HMGXB3: variants seen among roughly 807,000 people sequenced by gnomAD.
HMGXB3 encodes the protein HMG-box containing 3.
HMGXB3 carries 45 observed loss-of-function variants against 121.5 expected under a neutral mutation model. That is an observed-to-expected ratio of 0.37 (90% CI 0.29 to 0.47). HMGXB3 has a LOEUF of 0.47. Among genes scored for constraint, HMGXB3 ranks in the 20% least tolerant of loss-of-function variants. The probability of loss-of-function intolerance (pLI) is 0.99; values close to 1 mark genes in which losing one functional copy is unlikely to be tolerated. For synonymous variants in HMGXB3, 590 were observed against 624.1 expected, an observed-to-expected ratio of 0.95 and a Z score of 0.81; for missense variants, 1,376 against 1,602.2, an observed-to-expected ratio of 0.86 and a Z score of 2.41.
At chr5:150,044,511 T>C (rs1478428476) in intron 15 of HMGXB3, among the ~76,000 whole-genome samples, 1 of 152,154 alleles carries the variant, frequency 6.6e-6, no homozygotes, top group Non-Finnish European at 1.5e-5. Context: ...AAGAACTACA[T>C]AGGGCAGTGG....
chr5:150,006,803 A>G (rs184450098), intron 3 of HMGXB3, among the ~76,000 whole-genome samples, 156 bp downstream of exon 3: 9 of 152,184 alleles, frequency 5.9e-5, no homozygotes, highest in Admixed American at 2.0e-4. Context: ...CCATTTTGAT[A>G]ATGCCCTGCA....
At position 150,010,558 on chromosome 5, in the gene HMGXB3, G is replaced by A; in HGVS notation, c.760G>A (p.Val254Met). ...AGACCTCCCCACTGGAAGCCTGGCT[G>A]TGCCCCACCCCCAGGTTGGGGAGAG... ...SPDLPTGSLA[V>M]PHPQVGESVS... Residue 254 changes from valine to methionine, a missense_variant, in exon 4 of 20, where the codon GTG becomes ATG. Coordinates refer to ENST00000502717, the MANE Select transcript of HMGXB3 (RefSeq NM_014983.3). 1.3e-6 allele frequency: 2 copies of A among 1,551,454 alleles called. No individual in the cohort carries two copies. The highest frequency in any genetic ancestry group is 1.7e-6 in the Non-Finnish European group (2 of 1,146,992).
chr5:150,004,858 C>G lies in HMGXB3; in HGVS notation c.6C>G (p.Asp2Glu). The G allele has an allele frequency of 6.5e-7, 1 of 1,546,286 alleles. No homozygotes were observed. The highest frequency in any genetic ancestry group is 8.7e-7 in the Non-Finnish European group (1 of 1,144,504). Residue 2 changes from aspartate to glutamate, a missense_variant, in exon 2 of 20, where the codon GAC becomes GAG. Transcript: ENST00000502717. M[D>E]ASYDGTEVTV... is the part of the protein sequence containing the mutation. ...GACTTTCCTTTCCTTTAGCCATGGA[C>G]GCATCATATGATGGTACTGAGGTAA...
At chr5:150,006,357 G>A (rs1422688859) in intron 2 of HMGXB3, 116 bp from the exon 3 acceptor site, 2 of 776,566 alleles carry the variant, frequency 2.6e-6, no homozygotes, top group Non-Finnish European at 4.0e-6. Flanking sequence ...TCTTAGCATA[G>A]TAGTACTTAC....
intron 6 of HMGXB3, among the ~76,000 whole-genome samples, chr5:150,022,110 C>T (rs1581253414): frequency 6.6e-6 from 1 of 152,134 alleles, no homozygotes; most frequent in East Asian, 1.9e-4. Context: ...GGCTCATCAG[C>T]TATTGTTAGT....
At chr5:150,047,925 G>A (rs1231057862) in intron 17 of HMGXB3, among the ~76,000 whole-genome samples, 168 bp downstream of exon 17, 2 of 152,226 alleles carry the variant, frequency 1.3e-5, no homozygotes, top group African/African-American at 2.4e-5. Flanking sequence ...ACATGTATGT[G>A]GGGCCTGGCC....
intron 5 of HMGXB3, chr5:150,015,168 C>A: frequency 3.4e-6 from 1 of 294,118 alleles, no homozygotes; most frequent in South Asian, 8.3e-5. Context: ...CGATGACAGT[C>A]GTTATCCAGC....
chr5:150,008,055 TCACACACACACACACACACACACACACA>T (rs70973560), intron 3 of HMGXB3, among the ~76,000 whole-genome samples: 3 of 130,028 alleles, frequency 2.3e-5, no homozygotes, highest in Non-Finnish European at 3.3e-5. Context: ...AGACTCTGTT[TCACACACACACACACACACACACACACA>T]CACACACACA....
chr5:150,010,278 A>T lies in HMGXB3; in HGVS notation c.480A>T (p.Gly160=). 6.4e-7 allele frequency: 1 copy of T among 1,551,556 alleles called. No individual in the cohort carries two copies. The highest frequency in any genetic ancestry group is 8.7e-7 in the Non-Finnish European group (1 of 1,146,974). ...CVAQNQMSPK[G]PPLVSNTAPE... ...CTCAGAACCAGATGTCCCCGAAAGG[A>T]CCTCCTCTTGTGTCCAACACTGCCC... Residue 160 remains glycine, a synonymous_variant, in exon 4 of 20, where the codon GGA becomes GGT. Coordinates refer to ENST00000502717, the MANE Select transcript of HMGXB3 (RefSeq NM_014983.3).
chr5:150,040,428 C>T (rs4705410), intron 13 of HMGXB3, among the ~76,000 whole-genome samples: 39,006 of 151,918 alleles, frequency 0.26, 8,312 homozygotes, highest in African/African-American at 0.58. Flanking sequence ...TGGGGCTTTG[C>T]TATGTTGTCC....
intron 5 of HMGXB3, among the ~76,000 whole-genome samples, chr5:150,018,365 C>T (rs75636345): frequency 0.022 from 3,306 of 152,286 alleles, 62 homozygotes; most frequent in Non-Finnish European, 0.033. Flanking sequence ...AATTGTCTTT[C>T]CCCATTTGAA....
rs1755706537 is a variant in HMGXB3 at position 150,006,550 on chromosome 5, T to C, written c.215T>C (p.Ile72Thr). ...CTCCCCCACCTCCCTCAGTCTGAGA[T>C]CAATAAGAAGATTAGTGAGAGTTGG... ...QELPHLPQSE[I>T]NKKISESWRL... is the part of the protein sequence containing the mutation. The change falls in exon 3 of 20, where the codon ATC (isoleucine) becomes ACC (threonine). Residue 72 changes from isoleucine (I) to threonine (T), a missense_variant. Coordinates refer to ENST00000502717, the MANE Select transcript of HMGXB3 (RefSeq NM_014983.3). The C allele has an allele frequency of 1.3e-6, 2 of 1,552,002 alleles. No homozygotes were observed.
At position 150,050,480 on chromosome 5, in the gene HMGXB3, A is replaced by G; in HGVS notation, c.3411+19A>G. The G allele has an allele frequency of 6.6e-7, 1 of 1,526,466 alleles. No homozygotes were observed. The highest frequency in any genetic ancestry group is 8.9e-7 in the Non-Finnish European group (1 of 1,124,520). 94.6% of individuals were successfully genotyped at this position (1,526,466 alleles called of 1,614,324 possible). A position where few individuals can be genotyped will look rare whatever the true frequency, so the allele number is the denominator to read the frequency against. On this transcript the variant is annotated intron_variant, in intron 19 of 19. Coordinates refer to ENST00000502717, the MANE Select transcript of HMGXB3 (RefSeq NM_014983.3). ...ACCTGTGGTGAGTCACCTCCTGAGGAACTGCCATGTCTCCTCAAGCCTACC... is the reference window on the plus strand; with the variant it reads ...ACCTGTGGTGAGTCACCTCCTGAGGGACTGCCATGTCTCCTCAAGCCTACC...
At chr5:150,017,397 T>A (rs746327175) in intron 5 of HMGXB3, among the ~76,000 whole-genome samples, 1 of 152,194 alleles carries the variant, frequency 6.6e-6, no homozygotes, top group African/African-American at 2.4e-5. Context: ...AGTGAATGTT[T>A]TCTCATTTCT....
chr5:150,042,037 T>A, intron 15 of HMGXB3, 68 bp downstream of exon 15: 1 of 1,328,858 alleles, frequency 7.5e-7, no homozygotes. Context: ...CCTTCCTATA[T>A]GATATCCCCA....
intron 10 of HMGXB3, 124 bp from the exon 11 acceptor site, chr5:150,032,329 GC>G: frequency 1.2e-6 from 1 of 856,578 alleles, no homozygotes. Context: ...TTGAAGTTAG[GC>G]TGAATCTGGT....
chr5:150,029,214 T>G lies in HMGXB3; in HGVS notation c.1735-1527T>G, dbSNP rs917922863. On this transcript the variant is annotated intron_variant, in intron 9 of 19. Transcript: ENST00000502717. ...TCCATATACTAGTTTGTGGCTTATA[T>G]TTTTCACTTCATTTAGTGATACAGA... is the stretch of plus-strand genomic sequence containing the variant. Among the ~76,000 whole-genome samples the G allele has an allele frequency of 1.3e-5, 2 of 152,176 alleles. 1 individual carries two copies. The highest frequency in any genetic ancestry group is 4.1e-4 in the South Asian group (2 of 4,834).
chr5:150,047,221 C>G (rs977433913), intron 16 of HMGXB3, among the ~76,000 whole-genome samples: 10 of 152,006 alleles, frequency 6.6e-5, no homozygotes, highest in South Asian at 2.1e-4. Context: ...TAAGGTGCCC[C>G]CACATAGTTC....
At chr5:150,046,085 A>G (rs565328747) in intron 16 of HMGXB3, among the ~76,000 whole-genome samples, 4 of 152,312 alleles carry the variant, frequency 2.6e-5, no homozygotes, top group African/African-American at 9.6e-5. Flanking sequence ...TTAGACATTG[A>G]GAAACCCTGG....
Sources: gnomAD v4.1 joint callset for allele counts (sites outside exome capture counted in the v4.1 genomes callset) on GRCh38, gnomAD v4.1.1 for gene constraint, MANE v1.5 for transcripts, NCBI Gene and HGNC (gene_info 2026-07-23, HGNC 2026-07-21) for gene names.